PATJ: variants seen among roughly 807,000 people sequenced by gnomAD.
The protein encoded by PATJ is inaD-like protein.
A neutral mutation model predicts 224.9 loss-of-function variants in PATJ; 190 were observed. The ratio of observed to expected loss-of-function variants is 0.84; its 90% CI spans 0.75 to 0.95. PATJ has a LOEUF of 0.95. Ranked by LOEUF, PATJ falls within the 40% of genes least tolerant of loss-of-function variation. PATJ has a pLI of 0.00. For synonymous variants in PATJ, 769 were observed against 820.3 expected, an observed-to-expected ratio of 0.94 and a Z score of 1.07; for missense variants, 2,121 against 2,270.3, an observed-to-expected ratio of 0.93 and a Z score of 1.34.
chr1:61,874,507 A>G (rs559847572), intron 20 of PATJ, among the ~76,000 whole-genome samples: 4 of 152,288 alleles, frequency 2.6e-5, no homozygotes, highest in South Asian at 2.1e-4. Context: ...CCTTGGGCCT[A>G]TTTTATAAAG....
chr1:62,105,283 A>G (rs946875109), intron 33 of PATJ, among the ~76,000 whole-genome samples: 5 of 152,152 alleles, frequency 3.3e-5, no homozygotes, highest in Non-Finnish European at 7.4e-5. Flanking sequence ...GAAATTTTCT[A>G]TTTGCCTTTT....
At chr1:62,091,659 G>A (rs912952021) in intron 33 of PATJ, among the ~76,000 whole-genome samples, 1 of 152,188 alleles carries the variant, frequency 6.6e-6, no homozygotes, top group African/African-American at 2.4e-5. Flanking sequence ...GCTCACACCT[G>A]TAATCCCAGC....
At chr1:61,935,053 C>T (rs912594354) in intron 27 of PATJ, among the ~76,000 whole-genome samples, 1 of 152,202 alleles carries the variant, frequency 6.6e-6, no homozygotes, top group Non-Finnish European at 1.5e-5. Context: ...AGGTTAAATG[C>T]TTTTACAACA....
At chr1:62,130,935 G>C (rs2476195) in intron 41 of PATJ, among the ~76,000 whole-genome samples, 110,001 of 152,050 alleles carry the variant, frequency 0.72, 39,932 homozygotes, top group East Asian at 0.82. Flanking sequence ...AAAGTGTCCA[G>C]ACATTTAAAA....
At chr1:62,068,821 A>G (rs1472668893) in intron 31 of PATJ, among the ~76,000 whole-genome samples, 1 of 152,236 alleles carries the variant, frequency 6.6e-6, no homozygotes, top group African/African-American at 2.4e-5. Flanking sequence ...TGAAGATTAT[A>G]GCATCATGCT....
At chr1:61,757,877 C>T (rs181518825) in intron 1 of PATJ, among the ~76,000 whole-genome samples, 2 of 152,152 alleles carry the variant, frequency 1.3e-5, no homozygotes, top group South Asian at 4.2e-4. Flanking sequence ...ATGTTGAACT[C>T]CTGGGCTCAA....
At position 62,086,336 on chromosome 1, in the gene PATJ, T is replaced by A. The variant is rs2148765858; in HGVS notation, c.4377+1688T>A. Among the ~76,000 whole-genome samples the A allele has an allele frequency of 6.6e-6, 1 of 152,226 alleles. No homozygotes were observed. The highest frequency in any genetic ancestry group is 2.1e-4 in the South Asian group (1 of 4,820). On this transcript the variant is annotated intron_variant, in intron 33 of 43. Transcript: ENST00000642238. The surrounding 1 kb of genome is among the most constrained non-coding windows in gnomAD (Gnocchi z 4.0). Reference sequence around the variant, plus strand: ...TGTGTGTGTATGTAATACCTGCATCTTATACAAAGTTAAGTTGCCATAAAA... The same window carrying A: ...TGTGTGTGTATGTAATACCTGCATCATATACAAAGTTAAGTTGCCATAAAA...
chr1:61,896,216 G>T (rs1287633839), intron 22 of PATJ, among the ~76,000 whole-genome samples: 1 of 151,344 alleles, frequency 6.6e-6, no homozygotes, highest in East Asian at 1.9e-4. Flanking sequence ...AGAATCACTT[G>T]AACTGGGAGG....
chr1:62,093,306 T>C (rs894496491), intron 33 of PATJ, among the ~76,000 whole-genome samples: 1 of 152,242 alleles, frequency 6.6e-6, no homozygotes, highest in Admixed American at 6.5e-5. Context: ...CCCCTCATCA[T>C]GTTGCATTCT....
intron 20 of PATJ, among the ~76,000 whole-genome samples, chr1:61,870,343 C>T (rs1033782337): frequency 1.3e-5 from 2 of 152,156 alleles, no homozygotes; most frequent in Non-Finnish European, 2.9e-5. Context: ...CTGCTTTTCT[C>T]TGATGTCCAG....
chr1:61,881,319 C>T (rs1053080148), intron 21 of PATJ, among the ~76,000 whole-genome samples: 2 of 152,002 alleles, frequency 1.3e-5, no homozygotes, highest in South Asian at 4.2e-4. Flanking sequence ...TGGGAAGGAC[C>T]CTGAATTTGA....
intron 31 of PATJ, among the ~76,000 whole-genome samples, chr1:62,077,757 T>C (rs1246650716): frequency 6.6e-6 from 1 of 152,062 alleles, no homozygotes; most frequent in African/African-American, 2.4e-5. Context: ...ATAGAATCAT[T>C]GCCTATCAGC....
chr1:62,138,751 A>T (rs1369933387), intron 41 of PATJ, among the ~76,000 whole-genome samples: 1 of 152,176 alleles, frequency 6.6e-6, no homozygotes, highest in Non-Finnish European at 1.5e-5. Flanking sequence ...AGTAATGCAA[A>T]ATGCAAGACC....
In PATJ at chr1:62,084,970, T is replaced by C. The variant is rs779807007; in HGVS notation, c.4377+322T>C. ...CCATCTCTACAAAAAGTACAAAAAT[T>C]GTCTGGGTGGGCTGAGCACAGTGGC... On this transcript the variant is annotated intron_variant, in intron 33 of 43. Coordinates refer to ENST00000642238, the MANE Select transcript of PATJ (RefSeq NM_001350145.3). Among the ~76,000 whole-genome samples the C allele has an allele frequency of 3.8e-4, 57 of 151,998 alleles. 1 individual carries two copies. Among genetic ancestry groups the C allele is most frequent in the Admixed American group, 1.3e-4 (2 of 15,256 alleles).
chr1:62,149,608 T>TAA (rs58909236), intron 42 of PATJ, among the ~76,000 whole-genome samples: 16 of 145,802 alleles, frequency 1.1e-4, no homozygotes, highest in Non-Finnish European at 2.4e-4. Context: ...GCCTTTTCCT[T>TAA]AAAAAAAAAA....
intron 21 of PATJ, among the ~76,000 whole-genome samples, chr1:61,879,691 T>C (rs1188598062): frequency 2.0e-5 from 3 of 152,054 alleles, no homozygotes; most frequent in African/African-American, 7.2e-5. Context: ...GTGCTTTTTG[T>C]AGTGGCAAAT....
intron 15 of PATJ, among the ~76,000 whole-genome samples, chr1:61,824,368 T>C (rs993871747): frequency 1.4e-5 from 2 of 139,048 alleles, no homozygotes; most frequent in East Asian, 4.0e-4. Context: ...CCCGGTCCAC[T>C]TTTTTTTTTT....
chr1:61,881,532 C>T (rs1228411196), intron 21 of PATJ, among the ~76,000 whole-genome samples: 5 of 151,718 alleles, frequency 3.3e-5, no homozygotes, highest in East Asian at 1.9e-4. Context: ...GTGCCTCAGC[C>T]ACCTGAGTAG....
At chr1:61,845,229 A>G (rs528250042) in intron 17 of PATJ, among the ~76,000 whole-genome samples, 6 of 152,200 alleles carry the variant, frequency 3.9e-5, no homozygotes, top group Non-Finnish European at 5.9e-5. Context: ...TCCTGTAATC[A>G]TCCTTGTTTT....
Sources: gnomAD v4.1 joint callset for allele counts (sites outside exome capture counted in the v4.1 genomes callset) on GRCh38, gnomAD v4.1.1 for gene constraint, Gnocchi (gnomAD v3.1) non-coding constraint, MANE v1.5 for transcripts, NCBI Gene and HGNC (gene_info 2026-07-23, HGNC 2026-07-21) for gene names.